PLSCR2: variants seen among roughly 807,000 people sequenced by gnomAD.
PLSCR2 encodes the protein PL scramblase 2.
A neutral mutation model predicts 25.3 loss-of-function variants in PLSCR2; 18 were observed. The observed-to-expected ratio is 0.71, with a 90% CI of 0.49 to 1.06. The LOEUF is 1.06. Ranked by LOEUF, PLSCR2 falls within the 50% of genes least tolerant of loss-of-function variation. The probability of loss-of-function intolerance (pLI) is 0.00; values close to 1 mark genes in which losing one functional copy is unlikely to be tolerated. For synonymous variants in PLSCR2, 88 were observed against 87.3 expected (o/e 1.01, Z -0.04); for missense variants, 243 against 269.5 (o/e 0.90, Z 0.69).
intron 1 of PLSCR2, among the ~76,000 whole-genome samples, chr3:146,475,942 C>G (rs533655233): frequency 6.6e-6 from 1 of 152,104 alleles, no homozygotes; most frequent in Non-Finnish European, 1.5e-5. Context: ...TTAAAAGCCC[C>G]TATTAATATC....
intron 1 of PLSCR2, chr3:146,469,173 C>A: frequency 1.0e-6 from 1 of 985,546 alleles, no homozygotes; most frequent in Non-Finnish European, 1.2e-6. Flanking sequence ...GGCACATGCT[C>A]CTGAGCCCAG....
In PLSCR2 at chr3:146,449,754, A is replaced by G. The variant is rs141778872; in HGVS notation, c.484-387T>C. Among the ~76,000 whole-genome samples the G allele has an allele frequency of 1.4e-4, 22 of 152,310 alleles. No individual in the cohort carries two copies. In the East Asian group the frequency reaches 3.9e-3, roughly 27 times the overall value. On this transcript the variant is annotated intron_variant, in intron 5 of 6. Coordinates refer to ENST00000610787, the Ensembl canonical transcript of PLSCR2. ...CAGGAAGGAAACAAATGAAACTCCT[A>G]TTAGACTTCTGCTTTTTAGAGGTGC...
chr3:146,440,258 G>T (rs1480595299), downstream of PLSCR2, among the ~76,000 whole-genome samples: 1 of 152,218 alleles, frequency 6.6e-6, no homozygotes, highest in Non-Finnish European at 1.5e-5. Flanking sequence ...TCCATTCTCA[G>T]ATCTCAAACT....
chr3:146,443,865 A>C (rs1359255019), intron 6 of PLSCR2, among the ~76,000 whole-genome samples: 1 of 151,094 alleles, frequency 6.6e-6, no homozygotes, highest in African/African-American at 2.4e-5. Flanking sequence ...ATTTATTTGA[A>C]CTTTTTCTAC....
At chr3:146,425,087 A>T (rs1372305348) in intron 2 of PLSCR2, among the ~76,000 whole-genome samples, 1 of 152,034 alleles carries the variant, frequency 6.6e-6, no homozygotes, top group Non-Finnish European at 1.5e-5. Context: ...GCACAACAAA[A>T]TCTAAAAGTT....
chr3:146,425,799 G>A (rs2039323680), intron 2 of PLSCR2, among the ~76,000 whole-genome samples: 1 of 152,134 alleles, frequency 6.6e-6, no homozygotes, highest in South Asian at 2.1e-4. Context: ...CTGAAGGGGT[G>A]TGGGCTCAGA....
At chr3:146,469,256 G>A in intron 1 of PLSCR2, 1 of 985,626 alleles carries the variant, frequency 1.0e-6, no homozygotes, top group Non-Finnish European at 1.2e-6. Flanking sequence ...GCCCCGCAAG[G>A]CGTTTTCAGG....
intron 2 of PLSCR2, among the ~76,000 whole-genome samples, chr3:146,419,399 G>T (rs1380986021): frequency 1.3e-5 from 2 of 151,946 alleles, no homozygotes; most frequent in East Asian, 3.9e-4. Flanking sequence ...GCTCCTCAAA[G>T]TTCTTCCAGC....
At chr3:146,469,585 T>G in intron 1 of PLSCR2, 24 bp from the exon 1 acceptor site, 1 of 985,364 alleles carries the variant, frequency 1.0e-6, no homozygotes, top group Non-Finnish European at 1.2e-6. Context: ...CAGGCACACC[T>G]GTTGCACAGC....
At chr3:146,453,747 A>G (rs1230263228) in intron 5 of PLSCR2, among the ~76,000 whole-genome samples, 1 of 152,142 alleles carries the variant, frequency 6.6e-6, no homozygotes, top group Admixed American at 6.5e-5. Context: ...AGAACCCAAC[A>G]TGTTTAAGTG....
intron 2 of PLSCR2, among the ~76,000 whole-genome samples, chr3:146,418,938 A>G (rs2039064841): frequency 6.6e-6 from 1 of 152,174 alleles, no homozygotes; most frequent in African/African-American, 2.4e-5. Flanking sequence ...TTGCTGCTTC[A>G]GAAGCATTAG....
chr3:146,439,847 C>G (rs1309026871), downstream of PLSCR2, among the ~76,000 whole-genome samples: 1 of 152,292 alleles, frequency 6.6e-6, no homozygotes, highest in East Asian at 1.9e-4. Flanking sequence ...GGAGAAGAGG[C>G]CCTCTGATTT....
chr3:146,490,761 C>T (rs1258462468), intron 1 of PLSCR2, among the ~76,000 whole-genome samples: 1 of 152,116 alleles, frequency 6.6e-6, no homozygotes, highest in African/African-American at 2.4e-5. Context: ...AGATGGGTCT[C>T]TTGAAGACAG....
chr3:146,426,782 T>G (rs1490318728), intron 2 of PLSCR2, among the ~76,000 whole-genome samples: 1 of 152,172 alleles, frequency 6.6e-6, no homozygotes. Context: ...GTTGCTAAAG[T>G]TGATATGAAA....
chr3:146,456,703 T>C (rs953896461), intron 3 of PLSCR2, among the ~76,000 whole-genome samples: 1 of 152,204 alleles, frequency 6.6e-6, no homozygotes, highest in African/African-American at 2.4e-5. Flanking sequence ...GTATAAGTAT[T>C]TGTCATAGTC....
At position 146,449,233 on chromosome 3, in the gene PLSCR2, G is replaced by A. The variant is rs777863729; in HGVS notation, c.618C>T (p.Ala206=). Residue 206 remains alanine (A), a synonymous_variant, in exon 6 of 7, where the codon GCC becomes GCT. Coordinates refer to ENST00000610787, the Ensembl canonical transcript of PLSCR2. ...TGAGGAAACAGGCACCAATCATCAC[G>A]GCTTTCATTTTAACATCAAGGTCTC... 40 of 1,612,362 alleles carry A rather than the reference G, an allele frequency of 2.5e-5. No individual in the cohort carries two copies. In the East Asian group the frequency reaches 6.0e-4, roughly 24 times the overall value.
At chr3:146,430,361 A>T (rs779384864), downstream of PLSCR2, among the ~76,000 whole-genome samples, 4 of 152,166 alleles carry the variant, frequency 2.6e-5, no homozygotes, top group Admixed American at 6.5e-5. Flanking sequence ...AGATAGGGCC[A>T]GGTGCAGGAA....
At chr3:146,492,857 C>A (rs2043600001) in intron 1 of PLSCR2, among the ~76,000 whole-genome samples, 1 of 151,616 alleles carries the variant, frequency 6.6e-6, no homozygotes, top group Non-Finnish European at 1.5e-5. Context: ...TAACTTAGAC[C>A]AAAACTTGGT....
chr3:146,423,271 C>CTG lies in PLSCR2; in HGVS notation c.101-27351_101-27350insCA, dbSNP rs1559981767. Among the ~76,000 whole-genome samples the CTG allele has an allele frequency of 1.3e-4, 19 of 145,278 alleles. 1 individual carries two copies. Among genetic ancestry groups the CTG allele is most frequent in the Admixed American group, 2.1e-4 (3 of 14,276 alleles). ...TCTCTCTCTCTCTCTCTCTCTCTCT[C>CTG]TCTCTCTCTCTCCCTGGCTAGATTC... is the stretch of plus-strand genomic sequence containing the variant. On this transcript the variant is annotated intron_variant and NMD_transcript_variant, in intron 2 of 3. Coordinates refer to the PLSCR2 transcript ENST00000463633.
Sources: allele counts gnomAD v4.1 joint callset (sites outside exome capture counted in the v4.1 genomes callset), GRCh38; gene constraint gnomAD v4.1.1; transcripts MANE v1.5; gene names NCBI Gene and HGNC (gene_info 2026-07-23, HGNC 2026-07-21).